GNA12: variants seen among roughly 807,000 people sequenced by gnomAD.
The protein encoded by GNA12 is G protein subunit alpha 12.
Under a neutral mutation model 26.0 loss-of-function variants are expected in GNA12, and 9 were observed. The ratio of observed to expected loss-of-function variants is 0.35; its 90% CI spans 0.21 to 0.60. The LOEUF (loss-of-function observed/expected upper bound fraction) is 0.60, where lower values mean the gene tolerates loss of function less well. Among genes scored for constraint, GNA12 ranks in the 20% least tolerant of loss-of-function variants. The pLI, the probability that GNA12 is intolerant of heterozygous loss-of-function variation, is 0.78. For synonymous variants in GNA12, 264 were observed against 219.6 expected, an observed-to-expected ratio of 1.20 and a Z score of -1.79; for missense variants, 405 against 525.8, an observed-to-expected ratio of 0.77 and a Z score of 2.25.
intron 1 of GNA12, among the ~76,000 whole-genome samples, chr7:2,813,588 C>A (rs370328874): frequency 1.4e-4 from 21 of 152,156 alleles, no homozygotes; most frequent in African/African-American, 4.8e-4. Context: ...GAAAAAAAAA[C>A]AAACAAACAT....
At chr7:2,744,813 G>A (rs1365154487) in intron 2 of GNA12, among the ~76,000 whole-genome samples, 1 of 152,160 alleles carries the variant, frequency 6.6e-6, no homozygotes, top group African/African-American at 2.4e-5. Context: ...CCAATGCAGA[G>A]AAGTCCTTAA....
At chr7:2,838,357 CTTTGAGG>C (rs1778897945) in intron 1 of GNA12, among the ~76,000 whole-genome samples, 1 of 151,244 alleles carries the variant, frequency 6.6e-6, no homozygotes, top group Non-Finnish European at 1.5e-5. Context: ...AGGAGGATGG[CTTTGAGG>C]CTAGCAATTC....
At chr7:2,774,290 T>C (rs1320123843) in intron 2 of GNA12, among the ~76,000 whole-genome samples, 6 of 152,198 alleles carry the variant, frequency 3.9e-5, no homozygotes, top group African/African-American at 1.2e-4. Context: ...TGTATATATA[T>C]GTAATTCTCC....
chr7:2,731,536 T>G lies in GNA12; in HGVS notation c.791A>C (p.Asp264Ala), dbSNP rs1434085965. Residue 264 changes from aspartate to alanine, a missense_variant, in exon 4 of 4, where the codon GAC becomes GCC. Transcript: ENST00000275364. The surrounding 1 kb of genome is among the most constrained non-coding windows in gnomAD (Gnocchi z 6.0). ...SSEYDQVLME[D>A]RRTNRLVESM... The stretch of plus-strand genomic sequence containing the variant: ...CTCCACCAGCCGGTTGGTGCGCCTG[T>G]CCTCCATGAGGACCTGGTCGTACTC... 6.2e-7 allele frequency: 1 copy of G among 1,611,576 alleles called. No individual in the cohort carries two copies. The highest frequency in any genetic ancestry group is 8.5e-7 in the Non-Finnish European group (1 of 1,178,186).
intron 2 of GNA12, among the ~76,000 whole-genome samples, chr7:2,789,245 C>A (rs1032992788): frequency 1.4e-5 from 2 of 145,662 alleles, no homozygotes; most frequent in Non-Finnish European, 3.0e-5. Flanking sequence ...ACGCCATTCT[C>A]CTGCCTCAGC....
chr7:2,810,644 C>T (rs978286120), intron 1 of GNA12, among the ~76,000 whole-genome samples: 1 of 152,170 alleles, frequency 6.6e-6, no homozygotes, highest in Non-Finnish European at 1.5e-5. Context: ...CTTCTGTAAT[C>T]CCAGCACTTT....
chr7:2,842,227 A>C (rs571050395), intron 1 of GNA12, among the ~76,000 whole-genome samples: 1 of 152,168 alleles, frequency 6.6e-6, no homozygotes, highest in Admixed American at 6.6e-5. Context: ...TTCCCTCATC[A>C]TCAGTTTCCT....
intron 2 of GNA12, among the ~76,000 whole-genome samples, chr7:2,747,479 G>A (rs1790823405): frequency 6.6e-6 from 1 of 152,176 alleles, no homozygotes; most frequent in Non-Finnish European, 1.5e-5. Context: ...CAACCTTCAT[G>A]CTAAAAACTC....
chr7:2,827,304 G>C (rs943034503), intron 1 of GNA12, among the ~76,000 whole-genome samples: 2 of 152,186 alleles, frequency 1.3e-5, no homozygotes, highest in African/African-American at 4.8e-5. Context: ...TTTGGAATTT[G>C]ATAGAGGTGG....
At chr7:2,835,854 T>G (rs1313195313) in intron 1 of GNA12, 2 of 607,464 alleles carry the variant, frequency 3.3e-6, no homozygotes, top group African/African-American at 1.9e-5. Context: ...TCATTAGCCA[T>G]TCTCAAGAAG....
At chr7:2,733,014 G>A (rs955664357) in intron 3 of GNA12, among the ~76,000 whole-genome samples, 22 of 152,142 alleles carry the variant, frequency 1.4e-4, no homozygotes, top group African/African-American at 4.6e-4. Flanking sequence ...ACGGTACTGC[G>A]GTTGTCATTT....
At chr7:2,806,474 A>AG (rs904101202) in intron 1 of GNA12, among the ~76,000 whole-genome samples, 2 of 151,310 alleles carry the variant, frequency 1.3e-5, no homozygotes, top group African/African-American at 4.8e-5. Flanking sequence ...AAAAAAAAAA[A>AG]AAAAGAAAAA....
intron 2 of GNA12, among the ~76,000 whole-genome samples, chr7:2,784,853 G>A (rs534107663): frequency 6.6e-6 from 1 of 152,124 alleles, no homozygotes; most frequent in African/African-American, 2.4e-5. Flanking sequence ...CCATACAAAT[G>A]TTAAAAACGT....
intron 2 of GNA12, among the ~76,000 whole-genome samples, chr7:2,746,124 T>G (rs59425939): frequency 6.6e-6 from 1 of 152,022 alleles, no homozygotes; most frequent in Non-Finnish European, 1.5e-5. Context: ...GACAGAAAGT[T>G]AACAAGGATA....
rs1792836152 is a variant in GNA12, at chr7:2,802,527, A to C, written c.310-7384T>G. On this transcript the variant is annotated intron_variant, in intron 1 of 3. Transcript: ENST00000275364. ...AATCTTTTAAGATTAGTCATTCCTTAGTAAAATCTTCCCACAATAAATACC... is the reference window on the plus strand; with the variant it reads ...AATCTTTTAAGATTAGTCATTCCTTCGTAAAATCTTCCCACAATAAATACC... 2.6e-5 allele frequency among the ~76,000 whole-genome samples: 4 copies of C among 152,142 alleles called. No individual in the cohort carries two copies. The South Asian group carries it at 6.2e-4, about 24-fold the overall frequency.
chr7:2,792,817 A>G (rs1157718978), intron 2 of GNA12, among the ~76,000 whole-genome samples: 1 of 152,246 alleles, frequency 6.6e-6, no homozygotes, highest in Non-Finnish European at 1.5e-5. Flanking sequence ...GTCATCCTTA[A>G]GATGCCCTGG....
At position 2,729,743 on chromosome 7, in the gene GNA12, T is replaced by A. The variant is rs1042059862; in HGVS notation, c.*1438A>T. ...ATTCGGGTGCCAATTAAGAGGACGC[T>A]TTTCATTTTCTTGTAAATGCTAGGA... On this transcript the variant is annotated 3_prime_UTR_variant, in exon 4 of 4. Coordinates refer to ENST00000275364, the MANE Select transcript of GNA12 (RefSeq NM_007353.3). 3 of 152,366 alleles carry A rather than the reference T, an allele frequency of 2.0e-5. No individual in the cohort carries two copies. Among genetic ancestry groups the A allele is most frequent in the African/African-American group, 7.2e-5 (3 of 41,448 alleles). 9.4% of individuals were successfully genotyped at this position (152,366 alleles called of 1,614,324 possible). A position where few individuals can be genotyped will look rare whatever the true frequency, so the allele number is the denominator to read the frequency against.
intron 2 of GNA12, among the ~76,000 whole-genome samples, chr7:2,754,933 A>G (rs879846988): frequency 8.5e-5 from 13 of 152,306 alleles, no homozygotes; most frequent in South Asian, 8.3e-4. Context: ...CTTTACACTG[A>G]AATCTGTAAC....
intron 2 of GNA12, among the ~76,000 whole-genome samples, chr7:2,741,030 G>C (rs1005234374): frequency 6.6e-6 from 1 of 151,406 alleles, no homozygotes; most frequent in African/African-American, 2.4e-5. Context: ...GGGCGACAGA[G>C]CGAGACTCCG....
Sources: gnomAD v4.1 joint callset for allele counts (sites outside exome capture counted in the v4.1 genomes callset) on GRCh38, gnomAD v4.1.1 for gene constraint, Gnocchi (gnomAD v3.1) non-coding constraint, MANE v1.5 for transcripts, NCBI Gene and HGNC (gene_info 2026-07-23, HGNC 2026-07-21) for gene names.